RP1: variants seen among roughly 807,000 people sequenced by gnomAD.
RP1 encodes the protein RP1 axonemal microtubule associated.
Under a neutral mutation model 14.8 loss-of-function variants are expected in RP1, and 16 were observed. The observed-to-expected ratio is 1.08, with a 90% CI of 0.73 to 1.65. The LOEUF is 1.65. RP1 is among the 40% of genes most tolerant of loss of function. The probability of loss-of-function intolerance (pLI) is 0.00; values close to 1 mark genes in which losing one functional copy is unlikely to be tolerated. For synonymous variants in RP1, 876 were observed against 883.6 expected, an observed-to-expected ratio of 0.99 and a Z score of 0.15; for missense variants, 2,631 against 2,535.0, an observed-to-expected ratio of 1.04 and a Z score of -0.81.
intron 27 of RP1, among the ~76,000 whole-genome samples, chr8:54,864,790 T>C (rs1368471589): frequency 6.6e-6 from 1 of 152,202 alleles, no homozygotes; most frequent in Non-Finnish European, 1.5e-5. Flanking sequence ...AGTGGTAGGG[T>C]GATTCCCCTC....
At chr8:54,865,856 G>T (rs763450283) in exon 28 of RP1, 33 of 1,227,532 alleles carry the variant, frequency 2.7e-5, no homozygotes, top group Middle Eastern at 3.1e-4. Flanking sequence ...TTTCTTGGGA[G>T]TATTGTTGTT....
At chr8:54,615,387 C>G (rs867827543), upstream of RP1, among the ~76,000 whole-genome samples, 1 of 152,160 alleles carries the variant, frequency 6.6e-6, no homozygotes, top group Non-Finnish European at 1.5e-5. Context: ...AGGCAGGAAG[C>G]CCCGTAGGAA....
Position 54,622,262 on chromosome 8 carries a change from G to T in RP1, c.761G>T (p.Gly254Val). ...PGISQRVYPKGNAKSESRKIS... is the reference protein window; with the variant it reads ...PGISQRVYPKVNAKSESRKIS... ...ATCTCTCAGCGTGTGTACCCCAAGGGAAATGCAAAGTCAGAAAGCAGAAAG... is the reference window on the plus strand; with the variant it reads ...ATCTCTCAGCGTGTGTACCCCAAGGTAAATGCAAAGTCAGAAAGCAGAAAG... The change falls in exon 3 of 4, where the codon GGA (glycine) becomes GTA (valine). Residue 254 changes from glycine to valine, a missense_variant. Physicochemically the swap from Gly to Val is moderately radical, Grantham distance 109 (BLOSUM62 -3). Transcript: ENST00000220676. 2 of 1,614,058 alleles carry T rather than the reference G, an allele frequency of 1.2e-6. No individual in the cohort carries two copies. Among genetic ancestry groups the T allele is most frequent in the Non-Finnish European group, 1.7e-6 (2 of 1,180,010 alleles).
chr8:54,845,984 C>T (rs1811909447), intron 25 of RP1, among the ~76,000 whole-genome samples: 1 of 152,178 alleles, frequency 6.6e-6, no homozygotes, highest in African/African-American at 2.4e-5. Flanking sequence ...AACAGATAAA[C>T]TTCTGGTCTC....
chr8:54,619,717 T>C (rs1740071283), intron 1 of RP1, among the ~76,000 whole-genome samples: 7 of 152,244 alleles, frequency 4.6e-5, no homozygotes, highest in Admixed American at 4.6e-4. Context: ...AGCAATGCTG[T>C]CATTCATTCA....
intron 12 of RP1, among the ~76,000 whole-genome samples, chr8:54,681,489 TG>T (rs1807428929): frequency 2.8e-5 from 4 of 141,206 alleles, no homozygotes; most frequent in Non-Finnish European, 6.3e-5. Flanking sequence ...GATTTGTGTG[TG>T]TGTGTGTGTG....
chr8:54,827,148 G>C (rs1189427247), intron 24 of RP1, among the ~76,000 whole-genome samples: 1 of 152,036 alleles, frequency 6.6e-6, no homozygotes. Context: ...GAAGGCCTAG[G>C]ACATTACTGT....
At chr8:54,617,316 G>A (rs1299221414) in intron 1 of RP1, among the ~76,000 whole-genome samples, 1 of 152,138 alleles carries the variant, frequency 6.6e-6, no homozygotes, top group Non-Finnish European at 1.5e-5. Context: ...GTATATTACT[G>A]CCTTATTCCA....
chr8:54,583,070 C>T (rs1411698270), intron 1 of RP1, among the ~76,000 whole-genome samples: 4 of 152,146 alleles, frequency 2.6e-5, no homozygotes, highest in African/African-American at 7.2e-5. Flanking sequence ...GCATCCCTGT[C>T]TTGTGCCAGT....
chr8:54,727,786 A>G (rs2129353271), intron 17 of RP1, among the ~76,000 whole-genome samples: 1 of 152,082 alleles, frequency 6.6e-6, no homozygotes, highest in Admixed American at 6.6e-5. Context: ...GTTCAGATAA[A>G]CATTAAACAA....
At chr8:54,804,703 C>A (rs1037756811) in intron 24 of RP1, among the ~76,000 whole-genome samples, 1 of 151,972 alleles carries the variant, frequency 6.6e-6, no homozygotes, top group Admixed American at 6.6e-5. Context: ...GATGTAACAC[C>A]AATACATTAA....
chr8:54,755,849 C>T (rs988300672), intron 21 of RP1: 137 of 1,265,262 alleles, frequency 1.1e-4, no homozygotes, highest in Non-Finnish European at 1.2e-4. Context: ...ATTTAAAAGG[C>T]GTTTGGCACT....
intron 24 of RP1, among the ~76,000 whole-genome samples, chr8:54,784,571 A>C (rs1810272119): frequency 6.6e-6 from 1 of 152,042 alleles, no homozygotes; most frequent in Admixed American, 6.6e-5. Flanking sequence ...AAAGCTACCT[A>C]TTTTCCTATG....
At chr8:54,775,775 T>TA (rs1362411226) in intron 23 of RP1, among the ~76,000 whole-genome samples, 1 of 152,232 alleles carries the variant, frequency 6.6e-6, no homozygotes, top group Non-Finnish European at 1.5e-5. Context: ...TGGTAGTGGA[T>TA]AGGCTCATAC....
At chr8:54,787,449 T>C (rs1810349069) in intron 24 of RP1, among the ~76,000 whole-genome samples, 1 of 152,154 alleles carries the variant, frequency 6.6e-6, no homozygotes, top group South Asian at 2.1e-4. Context: ...TTGACTGCTT[T>C]ATCTAGGGGG....
chr8:54,645,191 A>G (rs1164953915), intron 3 of RP1, among the ~76,000 whole-genome samples: 2 of 152,190 alleles, frequency 1.3e-5, no homozygotes, highest in Non-Finnish European at 2.9e-5. Flanking sequence ...TAAAACTACA[A>G]TGAAAATTCA....
At chr8:54,639,597 A>T (rs1285066935) in intron 3 of RP1, among the ~76,000 whole-genome samples, 1 of 152,134 alleles carries the variant, frequency 6.6e-6, no homozygotes, top group African/African-American at 2.4e-5. Context: ...CTTAAATTTT[A>T]GCTATACCAG....
intron 25 of RP1, among the ~76,000 whole-genome samples, chr8:54,843,658 T>C (rs1166590826): frequency 6.6e-6 from 1 of 152,160 alleles, no homozygotes. Context: ...GGTTCATTAA[T>C]TAAATCAAAG....
At chr8:54,760,161 A>G (rs1205329208) in intron 22 of RP1, among the ~76,000 whole-genome samples, 1 of 152,236 alleles carries the variant, frequency 6.6e-6, no homozygotes, top group Non-Finnish European at 1.5e-5. Flanking sequence ...GATCAACAGT[A>G]GCCCTCGTCT....
Sources: gnomAD v4.1 joint callset for allele counts (sites outside exome capture counted in the v4.1 genomes callset) on GRCh38, gnomAD v4.1.1 for gene constraint, MANE v1.5 for transcripts, NCBI Gene and HGNC (gene_info 2026-07-23, HGNC 2026-07-21) for gene names.